Variants in ANLN observed in about 807,000 individuals in gnomAD.
The protein encoded by ANLN is anillin.
Under a neutral mutation model 135.1 loss-of-function variants are expected in ANLN, and 59 were observed. The observed-to-expected ratio is 0.44, with a 90% CI of 0.35 to 0.54. The LOEUF (loss-of-function observed/expected upper bound fraction) is 0.54. Among genes scored for constraint, ANLN ranks in the 20% least tolerant of loss-of-function variants. The pLI is 0.00. For synonymous variants in ANLN, 406 were observed against 456.4 expected, an observed-to-expected ratio of 0.89 and a Z score of 1.41; for missense variants, 1,182 against 1,340.0, an observed-to-expected ratio of 0.88 and a Z score of 1.84.
At chr7:36,406,708 A>G (rs1344192026) in intron 4 of ANLN, 142 bp downstream of exon 4, 2 of 856,260 alleles carry the variant, frequency 2.3e-6, no homozygotes, top group East Asian at 5.8e-5. Context: ...TATTTGTAAG[A>G]TATCGGTTTC....
chr7:36,430,280 G>C (rs1788260688), intron 20 of ANLN, among the ~76,000 whole-genome samples: 1 of 152,168 alleles, frequency 6.6e-6, no homozygotes, highest in African/African-American at 2.4e-5. Context: ...AACAATCACA[G>C]AGGTTATCTG....
intron 3 of ANLN, among the ~76,000 whole-genome samples, chr7:36,403,217 C>CT (rs773887420): frequency 6.6e-6 from 1 of 152,136 alleles, no homozygotes; most frequent in Non-Finnish European, 1.5e-5. Flanking sequence ...GAGACAAACT[C>CT]TAAGACCTAA....
chr7:36,434,610 TC>T (rs1788453590), intron 20 of ANLN, among the ~76,000 whole-genome samples: 1 of 152,232 alleles, frequency 6.6e-6, no homozygotes, highest in East Asian at 1.9e-4. Flanking sequence ...ATGCCTGTAA[TC>T]CCAGCACTTT....
At chr7:36,402,523 C>A (rs1485339916) in intron 3 of ANLN, among the ~76,000 whole-genome samples, 1 of 152,138 alleles carries the variant, frequency 6.6e-6, no homozygotes, top group Non-Finnish European at 1.5e-5. Flanking sequence ...AAAACACTTG[C>A]CTGCTTCTGC....
At chr7:36,415,648 A>T in intron 7 of ANLN, 110 bp from the exon 8 acceptor site, 4 of 1,232,540 alleles carry the variant, frequency 3.2e-6, no homozygotes, top group Non-Finnish European at 4.3e-6. Context: ...GGTTCTAAGG[A>T]AACTTATACA....
chr7:36,443,665 C>A, intron 21 of ANLN, 90 bp from the exon 22 acceptor site: 1 of 736,490 alleles, frequency 1.4e-6, no homozygotes, highest in Admixed American at 2.6e-5. Context: ...AATATGTCAA[C>A]ATACTACAGT....
At chr7:36,434,725 G>A (rs1562814913) in intron 20 of ANLN, among the ~76,000 whole-genome samples, 1 of 152,054 alleles carries the variant, frequency 6.6e-6, no homozygotes, top group Non-Finnish European at 1.5e-5. Flanking sequence ...TTAGCCAGGT[G>A]TAGTGGTGCA....
At chr7:36,442,307 G>T (rs1055585047) in intron 21 of ANLN, among the ~76,000 whole-genome samples, 27 of 152,084 alleles carry the variant, frequency 1.8e-4, no homozygotes, top group African/African-American at 6.5e-4. Context: ...GAATATGAAG[G>T]TAATCTAAAA....
chr7:36,427,187 A>G (rs1490385761), intron 20 of ANLN, among the ~76,000 whole-genome samples, 159 bp downstream of exon 20: 1 of 144,480 alleles, frequency 6.9e-6, no homozygotes, highest in Admixed American at 6.9e-5. Flanking sequence ...GTGTACCTAA[A>G]TGTTTTTTTT....
chr7:36,410,342 A>C (rs1177985669), intron 5 of ANLN, among the ~76,000 whole-genome samples, 172 bp from the exon 6 acceptor site: 1 of 152,136 alleles, frequency 6.6e-6, no homozygotes, highest in Non-Finnish European at 1.5e-5. Flanking sequence ...ACTTAAATAG[A>C]ATAGTAAACT....
intron 1 of ANLN, among the ~76,000 whole-genome samples, chr7:36,394,650 G>A (rs180711079): frequency 1.2e-3 from 188 of 152,166 alleles, no homozygotes; most frequent in Non-Finnish European, 2.1e-3. Context: ...AGTAGAGAGT[G>A]TGCCTTCTTT....
At chr7:36,429,608 T>C (rs1788232047) in intron 20 of ANLN, among the ~76,000 whole-genome samples, 1 of 152,196 alleles carries the variant, frequency 6.6e-6, no homozygotes, top group Non-Finnish European at 1.5e-5. Context: ...GATGGTATTT[T>C]TTATTTTATT....
At chr7:36,451,102 G>T (rs1789225204) in intron 23 of ANLN, among the ~76,000 whole-genome samples, 1 of 152,154 alleles carries the variant, frequency 6.6e-6, no homozygotes, top group Non-Finnish European at 1.5e-5. Context: ...AGCTTTGCTT[G>T]GTGACCTAAA....
intron 14 of ANLN, 31 bp from the exon 15 acceptor site, chr7:36,423,786 G>T: frequency 6.3e-7 from 1 of 1,583,000 alleles, no homozygotes; most frequent in Non-Finnish European, 8.6e-7. Context: ...TTTTGCTTGT[G>T]CTTACTATGT....
chr7:36,452,453 C>T, intron 23 of ANLN, 24 bp from the exon 24 acceptor site: 1 of 1,613,516 alleles, frequency 6.2e-7, no homozygotes. Context: ...GAATTCTGAC[C>T]TCTTTGGTTG....
rs190429595 is a variant in ANLN, at chr7:36,397,567, G to A, written c.172+1148G>A. Among the ~76,000 whole-genome samples, 97 of 152,114 alleles carry A rather than the reference G, an allele frequency of 6.4e-4. No individual in the cohort carries two copies. The East Asian group carries it at 8.3e-3, about 13-fold the overall frequency. On this transcript the variant is annotated intron_variant, in intron 2 of 23. Coordinates refer to ENST00000265748, the MANE Select transcript of ANLN (RefSeq NM_018685.5). The stretch of plus-strand genomic sequence containing the variant: ...TAGATGTGTTCATAGAAAATAGATC[G>A]ATAAGTGAGTTATAAAACATTAGAA...
chr7:36,412,221 C>T (rs781782096), intron 7 of ANLN, among the ~76,000 whole-genome samples: 4 of 150,774 alleles, frequency 2.7e-5, no homozygotes, highest in African/African-American at 7.3e-5. Flanking sequence ...CTGCTATTAC[C>T]GAAGTTACTG....
intron 3 of ANLN, among the ~76,000 whole-genome samples, chr7:36,404,686 C>G (rs1408747050): frequency 3.2e-4 from 48 of 152,130 alleles, no homozygotes; most frequent in Admixed American, 3.1e-3. Flanking sequence ...TCTGAATTGC[C>G]AGCACCACTG....
chr7:36,440,255 A>G (rs1788711619), intron 21 of ANLN, among the ~76,000 whole-genome samples: 1 of 152,204 alleles, frequency 6.6e-6, no homozygotes, highest in South Asian at 2.1e-4. Flanking sequence ...GGATGGAAGG[A>G]GGGAAGCCTC....
Sources: gnomAD v4.1 joint callset for allele counts (sites outside exome capture counted in the v4.1 genomes callset) on GRCh38, gnomAD v4.1.1 for gene constraint, MANE v1.5 for transcripts, NCBI Gene and HGNC (gene_info 2026-07-23, HGNC 2026-07-21) for gene names.